Variants in UBA1 observed in about 807,000 individuals in gnomAD.
UBA1 encodes the protein ubiquitin like modifier activating enzyme 1.
Under a neutral mutation model 84.7 loss-of-function variants are expected in UBA1, and 4 were observed. The observed-to-expected ratio is 0.05, with a 90% CI of 0.02 to 0.11. The LOEUF (loss-of-function observed/expected upper bound fraction) is 0.11, where lower values mean the gene tolerates loss of function less well. UBA1 is among the 10% of genes least tolerant of loss of function. The pLI is 1.00. For synonymous variants in UBA1, 364 were observed against 362.6 expected (o/e 1.00, Z -0.04); for missense variants, 513 against 902.8 (o/e 0.57, Z 5.53).
At chrX:47,208,299 CTGTG>C (rs1188221433) in intron 16 of UBA1, among the ~76,000 whole-genome samples, 25 of 105,128 alleles carry the variant, frequency 2.4e-4, no homozygotes, top group South Asian at 1.3e-3. Context: ...GTGTAAGTGT[CTGTG>C]TGTACGTGTA....
rs1556791153 is a variant in UBA1, at chrX:47,206,426, C to T, written c.1920C>T (p.Ala640=). 3.3e-5 allele frequency: 40 copies of T among 1,211,926 alleles called. No homozygotes were observed. Among genetic ancestry groups the T allele is most frequent in the Non-Finnish European group, 4.5e-5 (40 of 895,475 alleles). The change falls in exon 16 of 26, where the codon GCC becomes GCT. Residue 640 remains alanine (A), a synonymous_variant. Transcript: ENST00000335972. ...GTACCCTGAAGAACTTCCCTAATGC[C>T]ATCGAGCACACCCTGCAGGTGATAA... is the stretch of plus-strand genomic sequence containing the variant. The part of the protein sequence containing the change: ...PICTLKNFPN[A]IEHTLQWARD...
chrX:47,203,727 G>A (rs782302138), intron 14 of UBA1, 31 bp downstream of exon 14: 21 of 1,161,208 alleles, frequency 1.8e-5, no homozygotes, highest in African/African-American at 7.5e-5. Context: ...GGGCTTTGTC[G>A]TCTCACTTTC....
intron 18 of UBA1, 127 bp downstream of exon 18, chrX:47,210,250 G>A: frequency 1.3e-6 from 1 of 797,879 alleles, no homozygotes; most frequent in Non-Finnish European, 1.8e-6. Context: ...TCTGAGAAGA[G>A]TGATTGATCC....
At chrX:47,199,676 T>A in intron 5 of UBA1, 62 bp downstream of exon 5, 1 of 1,160,403 alleles carries the variant, frequency 8.6e-7, no homozygotes, top group Non-Finnish European at 1.2e-6. Flanking sequence ...TCTGGTTTAT[T>A]CAGTAGTGTT....
chrX:47,214,388 G>A lies in UBA1; in HGVS notation c.2900G>A (p.Gly967Asp). The change falls in exon 24 of 26, where the codon GGT (glycine) becomes GAT (aspartate). Residue 967 changes from glycine to aspartate, a missense_variant. Coordinates refer to ENST00000335972, the MANE Select transcript of UBA1 (RefSeq NM_003334.4). ...GAGGTACAAGGGCTGCAGCCTAATG[G>A]TGAGGAGATGACCCTCAAACAGTTC... ...RFEVQGLQPN[G>D]EEMTLKQFLD... 8.3e-7 allele frequency: 1 copy of A among 1,211,080 alleles called. No homozygotes were observed. Among genetic ancestry groups the A allele is most frequent in the East Asian group, 3.0e-5 (1 of 33,801 alleles).
At chrX:47,197,761 C>A in intron 1 of UBA1, 1 of 491,879 alleles carries the variant, frequency 2.0e-6, no homozygotes, top group African/African-American at 2.6e-5. Context: ...AGGAAGCAGC[C>A]TGGGCTTCAG....
In UBA1 at chrX:47,201,560, A is replaced by G; in HGVS notation, c.761A>G (p.Gln254Arg). ...GACTTTGTCTCCTTTTCAGAAGTAC[A>G]GGGCATGGTTGAACTCAACGGAAAT... ...SGDFVSFSEV[Q>R]GMVELNGNQP... is the part of the protein sequence containing the mutation. Residue 254 changes from glutamine (Q) to arginine (R), a missense_variant, in exon 8 of 26, where the codon CAG becomes CGG. Around this residue, in one of 6 missense-constraint regions of UBA1, gnomAD observed 227 missense variants for 339.1 expected, o/e 0.67. Transcript: ENST00000335972. 1 of 1,211,971 alleles carries G rather than the reference A, an allele frequency of 8.3e-7. No homozygotes were observed. Among genetic ancestry groups the G allele is most frequent in the South Asian group, 1.8e-5 (1 of 56,988 alleles).
rs781971906 is a variant in UBA1 at position 47,199,464 on chromosome X, C to T, written c.346-16C>T. 3 of 1,212,029 alleles carry T rather than the reference C, an allele frequency of 2.5e-6. No homozygotes were observed. Among genetic ancestry groups the T allele is most frequent in the Admixed American group, 2.2e-5 (1 of 46,091 alleles). Reference sequence around the variant, plus strand: ...CACAGCCATTTCATCTTTTTCCCTACTGCACACCCTTACAGTTCTACCTGC... The same window carrying T: ...CACAGCCATTTCATCTTTTTCCCTATTGCACACCCTTACAGTTCTACCTGC... On this transcript the variant is annotated splice_polypyrimidine_tract_variant and intron_variant, in intron 4 of 25. Transcript: ENST00000335972.
In UBA1 at chrX:47,205,986, A is replaced by G. The variant is rs782407651; in HGVS notation, c.1614A>G (p.Gln538=). ...KSDTAAAAVR[Q]MNPHIRVTSH... ...ACACGGCTGCTGCAGCTGTGCGCCA[A>G]ATGAATCCACATATCCGGGTGACAA... The change falls in exon 15 of 26, where the codon CAA becomes CAG. Residue 538 remains glutamine, a synonymous_variant. Coordinates refer to ENST00000335972, the MANE Select transcript of UBA1 (RefSeq NM_003334.4). 2 of 1,203,994 alleles carry G rather than the reference A, an allele frequency of 1.7e-6. No homozygotes were observed. The highest frequency in any genetic ancestry group is 1.7e-5 in the African/African-American group (1 of 57,203).
rs1936662321 is a variant in UBA1 at position 47,206,104 on chromosome X, G to A, written c.1732G>A (p.Val578Met). 4 of 1,200,204 alleles carry A rather than the reference G, an allele frequency of 3.3e-6. No homozygotes were observed. Among genetic ancestry groups the A allele is most frequent in the Non-Finnish European group, 2.2e-6 (2 of 890,093 alleles). ...TGGCGTGGCCAATGCCCTGGACAAC[G>A]TGGATGCCCGTGAGTTTGGAGGCGG... is the stretch of plus-strand genomic sequence containing the variant. ...LDGVANALDN[V>M]DARMYMDRRC... The change falls in exon 15 of 26, where the codon GTG becomes ATG. Residue 578 changes from valine (V) to methionine (M), a missense_variant. Val to Met is a conservative substitution (Grantham distance 21). Around this residue, in one of 6 missense-constraint regions of UBA1, gnomAD observed 55 missense variants for 104.8 expected, o/e 0.52. Coordinates refer to ENST00000335972, the MANE Select transcript of UBA1 (RefSeq NM_003334.4).
intron 16 of UBA1, 175 bp downstream of exon 16, chrX:47,206,619 C>T (rs1936687766): frequency 2.1e-6 from 1 of 469,958 alleles, no homozygotes; most frequent in Non-Finnish European, 3.6e-6. Context: ...TAGAATGACT[C>T]ATTCTTTTTT....
rs150574055 is a variant in UBA1 at position 47,206,074 on chromosome X, C to T, written c.1702C>T (p.Leu568=). 1 of 1,205,407 alleles carries T rather than the reference C, an allele frequency of 8.3e-7. No individual in the cohort carries two copies. Among genetic ancestry groups the T allele is most frequent in the Non-Finnish European group, 1.1e-6 (1 of 892,232 alleles). The change falls in exon 15 of 26, where the codon CTA becomes TTA. Residue 568 remains leucine, a synonymous_variant. Coordinates refer to ENST00000335972, the MANE Select transcript of UBA1 (RefSeq NM_003334.4). ...RIYDDDFFQN[L]DGVANALDNV... is the part of the protein sequence containing the mutation. The stretch of plus-strand genomic sequence containing the variant: ...CTATGATGACGATTTTTTCCAAAAC[C>T]TAGATGGCGTGGCCAATGCCCTGGA...
Position 47,202,360 on chromosome X carries a change from A to G in UBA1, c.912A>G (p.Lys304=). The G allele has an allele frequency of 8.3e-6, 10 of 1,211,493 alleles. No homozygotes were observed. Among genetic ancestry groups the G allele is most frequent in the Non-Finnish European group, 8.9e-6 (8 of 895,388 alleles). The change falls in exon 10 of 26, where the codon AAA becomes AAG. Residue 304 remains lysine (K), a splice_region_variant and synonymous_variant. Transcript: ENST00000335972. ...GATGACCTCTCCCCCCGCCACAGAA[A>G]TCCTTGGTGGCCTCACTGGCAGAAC... ...QVKVPKKISF[K]SLVASLAEPD...
At chrX:47,203,497 A>G (rs1556789335) in intron 13 of UBA1, 44 bp from the exon 14 acceptor site, 6 of 1,208,734 alleles carry the variant, frequency 5.0e-6, no homozygotes, top group Non-Finnish European at 6.7e-6. Flanking sequence ...ACTAACCTGC[A>G]TCACCCTGAC....
Position 47,199,745 on chromosome X carries a change from T to C in UBA1, c.480+131T>C. 3 of 806,671 alleles carry C rather than the reference T, an allele frequency of 3.7e-6. No homozygotes were observed. The East Asian group carries it at 9.5e-5, about 25-fold the overall frequency. The allele number at this position is 806,671 out of a possible 1,213,427, so 66.5% of individuals were successfully genotyped here. ...GGTTTTGTGCTGGGGGACTAGAGTA[T>C]GCAGGCAGCAGTTAGCCCCTGGCCC... On this transcript the variant is annotated intron_variant, in intron 5 of 25. Transcript: ENST00000335972.
intron 1 of UBA1, chrX:47,198,061 C>A: frequency 1.1e-6 from 1 of 899,216 alleles, no homozygotes; most frequent in Non-Finnish European, 1.4e-6. Flanking sequence ...TGTTTTCTAT[C>A]TTTTTGCAAC....
Position 47,203,147 on chromosome X carries a change from A to T in UBA1, c.1352A>T (p.Tyr451Phe). The T allele has an allele frequency of 8.3e-7, 1 of 1,211,711 alleles. No individual in the cohort carries two copies. Among genetic ancestry groups the T allele is most frequent in the Non-Finnish European group, 1.1e-6 (1 of 895,501 alleles). The change falls in exon 13 of 26, where the codon TAT (tyrosine) becomes TTT (phenylalanine). Residue 451 changes from tyrosine to phenylalanine, a missense_variant. This residue lies in a region of UBA1 where 227 missense variants were observed against 339.1 expected (regional missense o/e 0.67). Transcript: ENST00000335972. ...EDKCLQRQNR[Y>F]DGQVAVFGSD... The stretch of plus-strand genomic sequence containing the variant: ...TGCATTCCTTAGCGCCAGAACCGTT[A>T]TGACGGGCAAGTGGCTGTGTTTGGC...
chrX:47,213,073 C>T lies in UBA1; in HGVS notation c.2730C>T (p.Tyr910=), dbSNP rs1556794018. 8.3e-7 allele frequency: 1 copy of T among 1,212,063 alleles called. No homozygotes were observed. Residue 910 remains tyrosine (Y), a synonymous_variant, in exon 23 of 26, where the codon TAC becomes TAT. Transcript: ENST00000335972. ...AVVGLVCLEL[Y]KVVQGHRQLD... is the part of the protein sequence containing the mutation. ...TTGGCCTTGTGTGTCTGGAGCTGTA[C>T]AAGGTTGTGCAGGGGCACCGACAGC...
At chrX:47,196,554 A>C (rs1936212899) in intron 1 of UBA1, among the ~76,000 whole-genome samples, 1 of 110,640 alleles carries the variant, frequency 9.0e-6, no homozygotes, top group African/African-American at 3.3e-5. Context: ...GCAAATGTTG[A>C]GGTAGGAAGG....
Sources: gnomAD v4.1 joint callset for allele counts (sites outside exome capture counted in the v4.1 genomes callset) on GRCh38, gnomAD v4.1.1 for gene constraint, gnomAD v4.1.1 regional missense constraint, MANE v1.5 for transcripts, NCBI Gene and HGNC (gene_info 2026-07-23, HGNC 2026-07-21) for gene names.